VPS8: variants seen among roughly 807,000 people sequenced by gnomAD.
VPS8 encodes the protein VPS8 subunit of CORVET complex, also known as vacuolar protein sorting-associated protein 8 homolog.
VPS8 carries 129 observed loss-of-function variants against 216.4 expected under a neutral mutation model. The ratio of observed to expected loss-of-function variants is 0.60; its 90% CI spans 0.52 to 0.69. VPS8 has a LOEUF of 0.69. Ranked by LOEUF, VPS8 falls within the 30% of genes least tolerant of loss-of-function variation. VPS8 has a pLI of 0.00. For missense variants in VPS8, 1,531 were observed against 1,683.5 expected, an observed-to-expected ratio of 0.91 and a Z score of 1.59; for synonymous variants, 571 against 565.4, an observed-to-expected ratio of 1.01 and a Z score of -0.14.
intron 5 of VPS8, among the ~76,000 whole-genome samples, chr3:184,837,631 T>C (rs1721359101): frequency 6.6e-6 from 1 of 152,236 alleles, no homozygotes; most frequent in Non-Finnish European, 1.5e-5. Context: ...TGTTTCCATG[T>C]ACTGGAGTAA....
At chr3:184,816,077 G>A (rs1464576979) in intron 1 of VPS8, 2 of 152,156 alleles carry the variant, frequency 1.3e-5, no homozygotes, top group Non-Finnish European at 2.9e-5. Context: ...GAGTTCTTTG[G>A]AGCTGAAGTG....
chr3:185,040,267 G>A (rs574686199), intron 46 of VPS8, among the ~76,000 whole-genome samples: 53 of 152,264 alleles, frequency 3.5e-4, no homozygotes, highest in East Asian at 3.1e-3. Context: ...GCTAGAAGAA[G>A]CCTCTCTCCT....
chr3:184,871,736 G>C (rs953512130), intron 21 of VPS8, among the ~76,000 whole-genome samples: 2 of 151,972 alleles, frequency 1.3e-5, no homozygotes, highest in East Asian at 3.9e-4. Context: ...AAAATAATGG[G>C]TTTTTTTGGT....
At chr3:185,046,370 A>G (rs1004760150) in intron 46 of VPS8, among the ~76,000 whole-genome samples, 1 of 152,242 alleles carries the variant, frequency 6.6e-6, no homozygotes, top group African/African-American at 2.4e-5. Context: ...GATAAAAGCC[A>G]TGATTAGGCT....
At chr3:185,015,521 A>G (rs955659025) in intron 45 of VPS8, among the ~76,000 whole-genome samples, 3 of 152,248 alleles carry the variant, frequency 2.0e-5, no homozygotes, top group African/African-American at 7.2e-5. Flanking sequence ...AGGGTGTCTG[A>G]AAAACTTTAC....
At chr3:184,860,637 T>C (rs1726181147) in intron 15 of VPS8, among the ~76,000 whole-genome samples, 3 of 152,124 alleles carry the variant, frequency 2.0e-5, no homozygotes, top group Non-Finnish European at 4.4e-5. Context: ...AAAGGGGAGT[T>C]TGGCTTCAGA....
At chr3:184,991,560 A>C (rs570360109) in intron 42 of VPS8, among the ~76,000 whole-genome samples, 1 of 152,200 alleles carries the variant, frequency 6.6e-6, no homozygotes, top group East Asian at 1.9e-4. Context: ...TAACCTTTTA[A>C]GACCTCTTTG....
intron 5 of VPS8, 21 bp from the exon 6 acceptor site, chr3:184,838,693 T>G: frequency 6.5e-7 from 1 of 1,529,842 alleles, no homozygotes; most frequent in Non-Finnish European, 8.8e-7. Flanking sequence ...TTTCAAATAC[T>G]TTCTTTAAAA....
intron 40 of VPS8, among the ~76,000 whole-genome samples, chr3:184,974,715 A>G (rs886554172): frequency 2.0e-5 from 3 of 152,210 alleles, no homozygotes; most frequent in South Asian, 2.1e-4. Flanking sequence ...TCTTTAATCT[A>G]TGCTGAGTTA....
At chr3:184,937,372 A>G (rs1741824584) in intron 35 of VPS8, among the ~76,000 whole-genome samples, 1 of 152,196 alleles carries the variant, frequency 6.6e-6, no homozygotes, top group South Asian at 2.1e-4. Context: ...AGGAAATCAG[A>G]GCAGTGAGTA....
intron 46 of VPS8, among the ~76,000 whole-genome samples, chr3:185,040,572 T>G (rs745569123): frequency 2.0e-5 from 3 of 151,982 alleles, no homozygotes; most frequent in Non-Finnish European, 4.4e-5. Flanking sequence ...TCATACCACA[T>G]CTCCTTGAGT....
At chr3:184,837,075 C>T (rs77287128) in intron 5 of VPS8, among the ~76,000 whole-genome samples, 2,052 of 152,170 alleles carry the variant, frequency 0.013, 19 homozygotes, top group Non-Finnish European at 0.023. Context: ...GGGGCTCACC[C>T]CAAACCTACA....
intron 42 of VPS8, among the ~76,000 whole-genome samples, chr3:184,990,521 C>G (rs1376388295): frequency 1.3e-5 from 2 of 152,198 alleles, no homozygotes; most frequent in Non-Finnish European, 2.9e-5. Flanking sequence ...CTTTAGTGTT[C>G]ATTATCTTCT....
chr3:184,900,387 A>G (rs768047022), intron 24 of VPS8, among the ~76,000 whole-genome samples: 6 of 152,144 alleles, frequency 3.9e-5, no homozygotes, highest in Non-Finnish European at 8.8e-5. Flanking sequence ...AAAGCATGGA[A>G]AGTTCTTTTG....
At position 184,849,956 on chromosome 3, in the gene VPS8, C is replaced by T. The variant is rs755287530; in HGVS notation, c.687C>T (p.Ala229=). ...AKGQITMWDL[A]SGKLLRSITD... ...TATAGATCACCATGTGGGATTTGGC[C>T]AGTGGAAAACTTCTAAGATCAATAA... is the stretch of plus-strand genomic sequence containing the variant. The change falls in exon 10 of 48, where the codon GCC becomes GCT. Residue 229 remains alanine (A), a synonymous_variant. Transcript: ENST00000625842. 1.2e-6 allele frequency: 2 copies of T among 1,613,252 alleles called. No homozygotes were observed. The highest frequency in any genetic ancestry group is 1.7e-4 in the Middle Eastern group (1 of 6,056).
intron 7 of VPS8, among the ~76,000 whole-genome samples, chr3:184,840,825 A>G (rs1722010428): frequency 6.6e-6 from 1 of 152,144 alleles, no homozygotes; most frequent in South Asian, 2.1e-4. Flanking sequence ...GAAAGACTTG[A>G]GACACTGTAT....
chr3:184,933,414 A>G (rs768153426), intron 34 of VPS8, among the ~76,000 whole-genome samples: 2 of 151,934 alleles, frequency 1.3e-5, no homozygotes, highest in African/African-American at 2.4e-5. Flanking sequence ...AATGTCTCAT[A>G]CTTACTGTTT....
At chr3:185,045,392 G>T (rs1712639771) in intron 46 of VPS8, among the ~76,000 whole-genome samples, 1 of 152,174 alleles carries the variant, frequency 6.6e-6, no homozygotes, top group African/African-American at 2.4e-5. Flanking sequence ...CCTAGGAGTA[G>T]TACCATCCCT....
At chr3:185,030,426 G>A (rs1561196441) in intron 46 of VPS8, among the ~76,000 whole-genome samples, 1 of 151,090 alleles carries the variant, frequency 6.6e-6, no homozygotes. Context: ...TGAGGGGCCA[G>A]GTGCTCTGGC....
Sources: allele counts gnomAD v4.1 joint callset (sites outside exome capture counted in the v4.1 genomes callset), GRCh38; gene constraint gnomAD v4.1.1; transcripts MANE v1.5; gene names NCBI Gene and HGNC (gene_info 2026-07-23, HGNC 2026-07-21).